Variants in RIT2 observed in about 807,000 individuals in gnomAD.
RIT2 encodes the protein GTP-binding protein Rit2.
A neutral mutation model predicts 23.7 loss-of-function variants in RIT2; 24 were observed. The observed-to-expected ratio is 1.01, with a 90% CI of 0.73 to 1.43. The LOEUF (loss-of-function observed/expected upper bound fraction) is 1.43, where lower values mean the gene tolerates loss of function less well. RIT2 is among the 40% of genes most tolerant of loss of function. The probability of loss-of-function intolerance (pLI) is 0.00; values close to 1 mark genes in which losing one functional copy is unlikely to be tolerated. For missense variants in RIT2, 236 were observed against 266.9 expected (o/e 0.88, Z 0.81); for synonymous variants, 107 against 91.1 (o/e 1.17, Z -0.99).
At chr18:42,859,214 A>G (rs1041839363) in intron 4 of RIT2, among the ~76,000 whole-genome samples, 1 of 152,122 alleles carries the variant, frequency 6.6e-6, no homozygotes, top group African/African-American at 2.4e-5. Context: ...TTTGTCAATT[A>G]TTGTTGGGCT....
intron 1 of RIT2, among the ~76,000 whole-genome samples, chr18:43,064,055 C>T (rs1244756539): frequency 2.0e-5 from 3 of 152,140 alleles, no homozygotes; most frequent in Non-Finnish European, 4.4e-5. Context: ...ATACTGGAAG[C>T]AGAAACAAGA....
intron 4 of RIT2, among the ~76,000 whole-genome samples, chr18:42,904,777 A>G (rs1339157832): frequency 2.0e-5 from 3 of 152,186 alleles, no homozygotes. Context: ...AAGGCAGATA[A>G]TAATAGAAAT....
intron 4 of RIT2, among the ~76,000 whole-genome samples, chr18:42,804,992 A>G (rs1905642962): frequency 6.6e-6 from 1 of 152,240 alleles, no homozygotes; most frequent in African/African-American, 2.4e-5. Flanking sequence ...TTTAAAAAGC[A>G]AAAGCACAGC....
At chr18:43,064,406 A>T (rs1912722934) in intron 1 of RIT2, among the ~76,000 whole-genome samples, 1 of 152,152 alleles carries the variant, frequency 6.6e-6, no homozygotes, top group Non-Finnish European at 1.5e-5. Context: ...GCTCTAAGTA[A>T]TGTACATTTT....
chr18:43,048,240 C>T lies in RIT2; in HGVS notation c.104-14373G>A, dbSNP rs1046295846. On this transcript the variant is annotated intron_variant, in intron 1 of 4. Coordinates refer to ENST00000326695, the MANE Select transcript of RIT2 (RefSeq NM_002930.4). ...TCAGGCTCCTGTTTCTTTTGTATAT[C>T]TATAACAATAATACTAGTGTTAAAC... Among the ~76,000 whole-genome samples, 5 of 152,102 alleles carry T rather than the reference C, an allele frequency of 3.3e-5. 1 individual carries two copies. The highest frequency in any genetic ancestry group is 4.4e-5 in the Non-Finnish European group (3 of 68,014).
chr18:42,782,503 A>C (rs1480998539), intron 4 of RIT2, among the ~76,000 whole-genome samples: 2 of 152,112 alleles, frequency 1.3e-5, no homozygotes, highest in Non-Finnish European at 2.9e-5. Flanking sequence ...AGATAGATGG[A>C]TAGATTAATA....
chr18:42,783,150 A>G (rs1465897685), intron 4 of RIT2, among the ~76,000 whole-genome samples: 1 of 152,140 alleles, frequency 6.6e-6, no homozygotes. Flanking sequence ...TTCTGATGCC[A>G]TGAATGGAAT....
chr18:43,009,079 A>G (rs941008597), intron 2 of RIT2, among the ~76,000 whole-genome samples: 4 of 151,694 alleles, frequency 2.6e-5, no homozygotes, highest in African/African-American at 9.7e-5. Flanking sequence ...AGTAGTAAAC[A>G]CCTTAAATAT....
intron 2 of RIT2, among the ~76,000 whole-genome samples, chr18:43,006,290 G>A (rs939490297): frequency 2.2e-4 from 33 of 151,350 alleles, no homozygotes; most frequent in Non-Finnish European, 4.6e-4. Flanking sequence ...ACAAATATAA[G>A]TAAGTAGAAG....
chr18:42,951,834 G>A (rs1216963055), intron 3 of RIT2, among the ~76,000 whole-genome samples: 1 of 152,118 alleles, frequency 6.6e-6, no homozygotes, highest in African/African-American at 2.4e-5. Context: ...CTGTTCTCAT[G>A]CTGCTAATAA....
chr18:42,769,646 A>G (rs956869406), intron 4 of RIT2, among the ~76,000 whole-genome samples: 8 of 151,958 alleles, frequency 5.3e-5, no homozygotes, highest in African/African-American at 1.9e-4. Context: ...GCAGGGTACT[A>G]TCACTTTCTC....
intron 2 of RIT2, among the ~76,000 whole-genome samples, chr18:43,005,688 G>A (rs1911211212): frequency 6.6e-6 from 1 of 151,540 alleles, no homozygotes; most frequent in African/African-American, 2.4e-5. Flanking sequence ...GCCCCCTAAG[G>A]CAAAACCATC....
chr18:42,892,123 T>A (rs1314863326), intron 4 of RIT2, among the ~76,000 whole-genome samples: 2 of 152,186 alleles, frequency 1.3e-5, no homozygotes, highest in African/African-American at 4.8e-5. Context: ...CAGGTCAGTG[T>A]TACATTCTGC....
intron 4 of RIT2, among the ~76,000 whole-genome samples, chr18:42,895,514 G>T (rs1201724027): frequency 1.3e-5 from 2 of 152,014 alleles, no homozygotes; most frequent in Admixed American, 1.3e-4. Flanking sequence ...TGTTTTGGGG[G>T]CAGTAAGACA....
chr18:42,858,934 A>AT (rs1907257305), intron 4 of RIT2, among the ~76,000 whole-genome samples: 1 of 152,104 alleles, frequency 6.6e-6, no homozygotes, highest in African/African-American at 2.4e-5. Flanking sequence ...GATATATTAC[A>AT]TTTTGTTTAT....
At chr18:42,883,277 G>A (rs1907941334) in intron 4 of RIT2, among the ~76,000 whole-genome samples, 1 of 152,188 alleles carries the variant, frequency 6.6e-6, no homozygotes. Flanking sequence ...ATAAAGCCAG[G>A]AACGGAGGAA....
rs397858670 is a variant in RIT2, at chr18:42,875,293, A to AT, written c.426+48278dup. On this transcript the variant is annotated intron_variant, in intron 4 of 4. Coordinates refer to ENST00000326695, the MANE Select transcript of RIT2 (RefSeq NM_002930.4). ...CTTTACCCCTCGGGCAAGTTACTTTATTTTTTCTAAGCCCCAGTTGCCTTC... is the reference window on the plus strand; with the variant it reads ...CTTTACCCCTCGGGCAAGTTACTTTATTTTTTTCTAAGCCCCAGTTGCCTTC... 5.4e-3 allele frequency among the ~76,000 whole-genome samples: 756 copies of AT among 139,206 alleles called. 10 individuals are homozygous for AT. Among genetic ancestry groups the AT allele is most frequent in the Non-Finnish European group, 5.1e-3 (327 of 63,726 alleles). 91.3% of individuals were successfully genotyped at this position (139,206 alleles called of 152,430 possible). A position where few individuals can be genotyped will look rare whatever the true frequency, so the allele number is the denominator to read the frequency against.
intron 4 of RIT2, among the ~76,000 whole-genome samples, chr18:42,841,554 T>G (rs2144024436): frequency 6.6e-6 from 1 of 152,282 alleles, no homozygotes; most frequent in Admixed American, 6.5e-5. Context: ...CCTGGAGACC[T>G]GAAATTAGAG....
In RIT2 at chr18:42,759,756, T is replaced by C. The variant is rs577814; in HGVS notation, c.427-16036A>G. Among the ~76,000 whole-genome samples, 229 of 95,608 alleles carry C rather than the reference T, an allele frequency of 2.4e-3. 2 individuals carry two copies. Among genetic ancestry groups the C allele is most frequent in the African/African-American group, 9.5e-3 (218 of 22,906 alleles). The allele number at this position is 95,608 out of a possible 152,430, so 62.7% of individuals were successfully genotyped here. On this transcript the variant is annotated intron_variant, in intron 4 of 4. Transcript: ENST00000326695. Reference sequence around the variant, plus strand: ...ACACACACACACACACACACACACATACGGATATATATATATATATATATA... The same window carrying C: ...ACACACACACACACACACACACACACACGGATATATATATATATATATATA...
Sources: gnomAD v4.1 joint callset for allele counts (sites outside exome capture counted in the v4.1 genomes callset) on GRCh38, gnomAD v4.1.1 for gene constraint, MANE v1.5 for transcripts, NCBI Gene and HGNC (gene_info 2026-07-23, HGNC 2026-07-21) for gene names.